Variants in PTPRG observed in about 807,000 individuals in gnomAD.
PTPRG encodes the protein protein tyrosine phosphatase receptor type G.
In PTPRG, 102 loss-of-function variants were observed where a neutral mutation model predicts 165.3. The observed-to-expected ratio is 0.62, with a 90% confidence interval of 0.53 to 0.73. PTPRG has a LOEUF of 0.73. Among genes scored for constraint, PTPRG ranks in the 30% least tolerant of loss-of-function variants. The pLI is 0.00. For synonymous variants in PTPRG, 675 were observed against 669.5 expected, an observed-to-expected ratio of 1.01 and a Z score of -0.13; for missense variants, 1,866 against 1,861.4, an observed-to-expected ratio of 1.00 and a Z score of -0.05.
At chr3:61,924,701 A>G (rs192328734) in intron 2 of PTPRG, among the ~76,000 whole-genome samples, 160 of 152,326 alleles carry the variant, frequency 1.1e-3, no homozygotes, top group Non-Finnish European at 1.7e-3. Context: ...GGGTCAGTAA[A>G]GTTTTTCTGA....
chr3:61,689,091 A>T (rs1255113538), intron 1 of PTPRG, among the ~76,000 whole-genome samples: 3 of 152,204 alleles, frequency 2.0e-5, no homozygotes, highest in Non-Finnish European at 2.9e-5. Context: ...TACTGTAATA[A>T]TCCATCACTC....
rs1222816674 is a variant in PTPRG at position 62,229,357 on chromosome 3, C to T, written c.2289-1868C>T. On this transcript the variant is annotated intron_variant, in intron 13 of 29. Coordinates refer to ENST00000474889, the MANE Select transcript of PTPRG (RefSeq NM_002841.4). The surrounding 1 kb of genome is among the most constrained non-coding windows in gnomAD (Gnocchi z 4.6). ...GTTTCCCAAATGGCTACTCAGGGGCCTTTCAGAATTCACGAGAGCTGTCAG... is the reference window on the plus strand; with the variant it reads ...GTTTCCCAAATGGCTACTCAGGGGCTTTTCAGAATTCACGAGAGCTGTCAG... Among the ~76,000 whole-genome samples the T allele has an allele frequency of 6.6e-6, 1 of 152,188 alleles. No homozygotes were observed. Among genetic ancestry groups the T allele is most frequent in the Admixed American group, 6.5e-5 (1 of 15,272 alleles).
In PTPRG at chr3:61,621,033, G is replaced by GTGTATATATATATATATA. The variant is rs767786792; in HGVS notation, c.85+58662_85+58663insGTATATATATATATATAT. On this transcript the variant is annotated intron_variant, in intron 1 of 29. Transcript: ENST00000474889. ...TGGACCCATGCCCCAGTGTGTGTGT[G>GTGTATATATATATATATA]TATATATATATATATATATGTGTGT... is the stretch of plus-strand genomic sequence containing the variant. 4.7e-4 allele frequency among the ~76,000 whole-genome samples: 61 copies of GTGTATATATATATATATA among 130,024 alleles called. 1 individual carries two copies. Among genetic ancestry groups the GTGTATATATATATATATA allele is most frequent in the East Asian group, 9.6e-4 (4 of 4,176 alleles). 85.3% of individuals were successfully genotyped at this position (130,024 alleles called of 152,430 possible).
At chr3:61,761,207 A>G (rs573703690) in intron 2 of PTPRG, among the ~76,000 whole-genome samples, 126 of 152,288 alleles carry the variant, frequency 8.3e-4, no homozygotes, top group Non-Finnish European at 1.5e-3. Flanking sequence ...ACTAATTTAA[A>G]TTCCCACCAA....
intron 1 of PTPRG, among the ~76,000 whole-genome samples, chr3:61,637,541 A>T (rs1204224005): frequency 6.6e-6 from 1 of 152,200 alleles, no homozygotes; most frequent in African/African-American, 2.4e-5. Context: ...GACTGTGCAG[A>T]TCAAGCAGAA....
intron 2 of PTPRG, among the ~76,000 whole-genome samples, chr3:61,778,839 C>G (rs1280953443): frequency 6.6e-6 from 1 of 152,080 alleles, no homozygotes; most frequent in African/African-American, 2.4e-5. Flanking sequence ...CAACAAGTAT[C>G]AGGACCACGT....
chr3:61,914,803 A>G (rs2038894118), intron 2 of PTPRG, among the ~76,000 whole-genome samples: 1 of 152,264 alleles, frequency 6.6e-6, no homozygotes, highest in African/African-American at 2.4e-5. Flanking sequence ...ATAAATTGTC[A>G]TGAACTCTCC....
intron 2 of PTPRG, among the ~76,000 whole-genome samples, chr3:61,795,593 T>C (rs915215950): frequency 7.8e-5 from 9 of 114,968 alleles, no homozygotes; most frequent in African/African-American, 1.0e-4. Flanking sequence ...TGAGCCGAGA[T>C]CGTGCCACTG....
At chr3:61,815,781 T>C (rs2035744354) in intron 2 of PTPRG, among the ~76,000 whole-genome samples, 1 of 152,240 alleles carries the variant, frequency 6.6e-6, no homozygotes, top group Non-Finnish European at 1.5e-5. Flanking sequence ...GTAAAGCACC[T>C]GTTACATGCT....
intron 2 of PTPRG, among the ~76,000 whole-genome samples, chr3:61,972,756 GATA>G (rs1322171953): frequency 6.6e-6 from 1 of 151,086 alleles, no homozygotes; most frequent in African/African-American, 2.4e-5. Context: ...GGGCTCAAGT[GATA>G]CTCACACCTT....
intron 4 of PTPRG, among the ~76,000 whole-genome samples, chr3:62,034,357 C>T (rs1699874367): frequency 6.6e-6 from 1 of 152,226 alleles, no homozygotes; most frequent in Admixed American, 6.5e-5. Context: ...GTATTATTTT[C>T]ATACACATCA....
chr3:61,752,516 G>A (rs1027994812), intron 2 of PTPRG, among the ~76,000 whole-genome samples: 3 of 152,024 alleles, frequency 2.0e-5, no homozygotes, highest in African/African-American at 7.2e-5. Context: ...TTGCTGGCCG[G>A]GTGCGGTGGC....
intron 2 of PTPRG, among the ~76,000 whole-genome samples, chr3:61,987,325 G>A (rs981376559): frequency 6.6e-6 from 1 of 152,318 alleles, no homozygotes; most frequent in South Asian, 2.1e-4. Flanking sequence ...ATTGTTACCA[G>A]TGAATAAATG....
At chr3:61,909,502 C>T (rs1248151347) in intron 2 of PTPRG, among the ~76,000 whole-genome samples, 1 of 152,068 alleles carries the variant, frequency 6.6e-6, no homozygotes, top group Non-Finnish European at 1.5e-5. Context: ...GGTGCACCAC[C>T]ACACCTGACT....
intron 1 of PTPRG, among the ~76,000 whole-genome samples, chr3:61,601,325 G>T (rs1444014635): frequency 6.6e-6 from 1 of 152,190 alleles, no homozygotes; most frequent in Non-Finnish European, 1.5e-5. Flanking sequence ...TCTGTTCGAT[G>T]CCTGCCTCCC....
At chr3:61,887,523 C>CT (rs2038085430) in intron 2 of PTPRG, among the ~76,000 whole-genome samples, 1 of 152,088 alleles carries the variant, frequency 6.6e-6, no homozygotes, top group Admixed American at 6.5e-5. Context: ...CAAATGCAGA[C>CT]ACACACCAGA....
intron 1 of PTPRG, among the ~76,000 whole-genome samples, chr3:61,705,474 A>G (rs2031197653): frequency 6.6e-6 from 1 of 152,166 alleles, no homozygotes; most frequent in African/African-American, 2.4e-5. Flanking sequence ...TAAAGTAGCT[A>G]AATAACTTTT....
chr3:61,697,128 A>ACT (rs1209828646), intron 1 of PTPRG, among the ~76,000 whole-genome samples: 5 of 152,002 alleles, frequency 3.3e-5, no homozygotes, highest in African/African-American at 9.7e-5. Flanking sequence ...TAGGAGGGCC[A>ACT]CTCTCTGGCT....
At chr3:61,616,602 T>C (rs1701304112) in intron 1 of PTPRG, among the ~76,000 whole-genome samples, 1 of 152,174 alleles carries the variant, frequency 6.6e-6, no homozygotes, top group Non-Finnish European at 1.5e-5. Context: ...CTCCCTGCCA[T>C]ATAGACACCC....
Sources: allele counts gnomAD v4.1 joint callset (sites outside exome capture counted in the v4.1 genomes callset), GRCh38; gene constraint gnomAD v4.1.1; non-coding constraint Gnocchi (gnomAD v3.1); transcripts MANE v1.5; gene names NCBI Gene and HGNC (gene_info 2026-07-23, HGNC 2026-07-21).